The following RAPGEF6 variants were observed in gnomAD, a reference collection of about 807,000 sequenced individuals.
RAPGEF6 encodes the protein Rap guanine nucleotide exchange factor 6, also known as PDZ domain containing guanine nucleotide exchange factor (GEF) 2.
In RAPGEF6, 56 loss-of-function variants were observed where a neutral mutation model predicts 171.4. That is an observed-to-expected ratio of 0.33 (90% confidence interval 0.26 to 0.41). The LOEUF is 0.41. RAPGEF6 is among the 10% of genes least tolerant of loss of function. The probability of loss-of-function intolerance (pLI) is 1.00; values close to 1 mark genes in which losing one functional copy is unlikely to be tolerated. For missense variants in RAPGEF6, 1,674 were observed against 1,921.4 expected, an observed-to-expected ratio of 0.87 and a Z score of 2.41; for synonymous variants, 692 against 650.1, an observed-to-expected ratio of 1.06 and a Z score of -0.98.
intron 7 of RAPGEF6, among the ~76,000 whole-genome samples, chr5:131,513,465 C>T (rs1260977639): frequency 1.3e-5 from 2 of 151,984 alleles, no homozygotes; most frequent in African/African-American, 2.4e-5. Context: ...GGTCTCATTC[C>T]CATATTTTAG....
At chr5:131,576,544 AG>A (rs2149985924) in intron 4 of RAPGEF6, among the ~76,000 whole-genome samples, 1 of 152,278 alleles carries the variant, frequency 6.6e-6, no homozygotes, top group African/African-American at 2.4e-5. Flanking sequence ...TGCCCAAGGA[AG>A]CCGGAGTCAT....
In RAPGEF6 at chr5:131,461,726, T is replaced by C. The variant is rs368892428; in HGVS notation, c.2843A>G (p.Asn948Ser). The change falls in exon 19 of 28, where the codon AAT (asparagine) becomes AGT (serine). Residue 948 changes from asparagine to serine, a missense_variant. Physicochemically the swap from Asn to Ser is conservative, Grantham distance 46 (BLOSUM62 1). This residue lies in a region of RAPGEF6 where 1,116 missense variants were observed against 1,321.5 expected (regional missense o/e 0.84). Transcript: ENST00000509018. ...TTACCTTATTATTGCAAACATGGAA[T>C]TGAAGTTCTTACATTCTCGACAATG... The part of the protein sequence containing the change: ...ALHCRECKNF[N>S]SMFAIISGLN... The C allele has an allele frequency of 3.2e-5, 52 of 1,600,210 alleles. No individual in the cohort carries two copies. Among genetic ancestry groups the C allele is most frequent in the Non-Finnish European group, 4.3e-5 (50 of 1,169,380 alleles).
intron 7 of RAPGEF6, among the ~76,000 whole-genome samples, chr5:131,513,148 G>T (rs1757851589): frequency 6.6e-6 from 1 of 152,112 alleles, no homozygotes; most frequent in African/African-American, 2.4e-5. Flanking sequence ...AAACTTGTTT[G>T]CAGGTTATAA....
At chr5:131,564,969 T>C (rs1370287273) in intron 4 of RAPGEF6, among the ~76,000 whole-genome samples, 5 of 152,148 alleles carry the variant, frequency 3.3e-5, no homozygotes, top group Non-Finnish European at 5.9e-5. Flanking sequence ...CTATTAGTTT[T>C]AGCATTTTTT....
rs1274232356 is a variant in RAPGEF6, at chr5:131,457,937, T to C, written c.2865-1925A>G. ...TGTTTAACTCAAAACTCCCAAAATA[T>C]TAACTGAAAATTATTAGAAGCATGA... On this transcript the variant is annotated intron_variant, in intron 19 of 27. Coordinates refer to ENST00000509018, the MANE Select transcript of RAPGEF6 (RefSeq NM_016340.6). Among the ~76,000 whole-genome samples, 7 of 152,144 alleles carry C rather than the reference T, an allele frequency of 4.6e-5. No homozygotes were observed. The East Asian group carries it at 1.3e-3, about 29-fold the overall frequency.
chr5:131,594,811 G>A (rs997645275), intron 3 of RAPGEF6, among the ~76,000 whole-genome samples: 1 of 152,210 alleles, frequency 6.6e-6, no homozygotes, highest in African/African-American at 2.4e-5. Context: ...CTGGGTTTCG[G>A]ACTAGCATGG....
At chr5:131,617,068 T>C (rs1051566757) in intron 1 of RAPGEF6, among the ~76,000 whole-genome samples, 2 of 152,218 alleles carry the variant, frequency 1.3e-5, no homozygotes, top group African/African-American at 2.4e-5. Flanking sequence ...AACTGTATCA[T>C]ACATACATTC....
In RAPGEF6 at chr5:131,479,872, T is replaced by C; in HGVS notation, c.1841-119A>G. 2.9e-6 allele frequency: 3 copies of C among 1,050,102 alleles called. No individual in the cohort carries two copies. The East Asian group carries it at 7.5e-5, about 26-fold the overall frequency. 65.0% of individuals were successfully genotyped at this position (1,050,102 alleles called of 1,614,324 possible). A position where few individuals can be genotyped will look rare whatever the true frequency, so the allele number is the denominator to read the frequency against. On this transcript the variant is annotated intron_variant, in intron 15 of 27. Coordinates refer to ENST00000509018, the MANE Select transcript of RAPGEF6 (RefSeq NM_016340.6). ...CATTATTTGAACTTTCTCAGTCTCA[T>C]TCAACTAAACACTGTCAAGTATTTA...
intron 9 of RAPGEF6, 132 bp from the exon 10 acceptor site, chr5:131,505,654 A>G: frequency 1.4e-6 from 1 of 725,786 alleles, no homozygotes; most frequent in Non-Finnish European, 2.2e-6. Flanking sequence ...ATTACCAAAC[A>G]CTCTGTAACA....
intron 5 of RAPGEF6, among the ~76,000 whole-genome samples, chr5:131,553,957 T>A (rs1192845556): frequency 6.6e-6 from 1 of 150,408 alleles, no homozygotes; most frequent in African/African-American, 2.4e-5. Context: ...CAAGACAATA[T>A]TTAAGGAAAA....
At position 131,504,732 on chromosome 5, in the gene RAPGEF6, A is replaced by G. The variant is rs200293480; in HGVS notation, c.1148T>C (p.Val383Ala). ...QQDYWRILNH[V>A]EKNTHKVEEE... is the part of the protein sequence containing the mutation. Reference sequence around the variant, plus strand: ...CTCAACTTTATGGGTATTTTTTTCCACATGGTTTAAAATTCTCCAATAATC... The same window carrying G: ...CTCAACTTTATGGGTATTTTTTTCCGCATGGTTTAAAATTCTCCAATAATC... The change falls in exon 11 of 28, where the codon GTG becomes GCG. Residue 383 changes from valine to alanine, a missense_variant. Physicochemically the swap from Val to Ala is moderately conservative, Grantham distance 64. Transcript: ENST00000509018. 1 of 1,613,858 alleles carries G rather than the reference A, an allele frequency of 6.2e-7. No homozygotes were observed. Among genetic ancestry groups the G allele is most frequent in the Admixed American group, 1.7e-5 (1 of 59,958 alleles).
chr5:131,494,548 T>C (rs1328474326), intron 13 of RAPGEF6, among the ~76,000 whole-genome samples: 1 of 151,994 alleles, frequency 6.6e-6, no homozygotes. Context: ...AACTGGAAAA[T>C]AAAATAGTCT....
Position 131,460,012 on chromosome 5 carries a change from A to G in RAPGEF6, c.2864+1693T>C, listed in dbSNP as rs1753804595. ...CACCTTTGCCATCTCTGCTGAAAAG[A>G]GTATATTCTTTGATCTACCTGAACA... On this transcript the variant is annotated intron_variant, in intron 19 of 27. Coordinates refer to ENST00000509018, the MANE Select transcript of RAPGEF6 (RefSeq NM_016340.6). 2.6e-5 allele frequency among the ~76,000 whole-genome samples: 4 copies of G among 152,232 alleles called. No homozygotes were observed. In the South Asian group the frequency reaches 8.3e-4, roughly 31 times the overall value.
At chr5:131,579,949 G>A (rs1222395374) in intron 4 of RAPGEF6, among the ~76,000 whole-genome samples, 7 of 152,232 alleles carry the variant, frequency 4.6e-5, no homozygotes, top group African/African-American at 9.6e-5. Context: ...GACCCCACCC[G>A]ACTCAGGAGC....
chr5:131,584,159 T>G (rs1019293980), intron 4 of RAPGEF6, among the ~76,000 whole-genome samples: 1 of 152,208 alleles, frequency 6.6e-6, no homozygotes, highest in South Asian at 2.1e-4. Flanking sequence ...CTTATCAAAC[T>G]GTATACTATA....
At chr5:131,593,102 T>G (rs1400424973) in intron 3 of RAPGEF6, among the ~76,000 whole-genome samples, 1 of 152,130 alleles carries the variant, frequency 6.6e-6, no homozygotes, top group African/African-American at 2.4e-5. Context: ...AAACAGAAAA[T>G]GCAAATGAAA....
intron 22 of RAPGEF6, among the ~76,000 whole-genome samples, chr5:131,444,750 A>C (rs1752581102): frequency 6.6e-6 from 1 of 152,214 alleles, no homozygotes; most frequent in African/African-American, 2.4e-5. Context: ...GGAAGCCATG[A>C]GGGTGTATAT....
intron 14 of RAPGEF6, among the ~76,000 whole-genome samples, chr5:131,492,363 C>T (rs1165670070): frequency 6.6e-6 from 1 of 152,068 alleles, no homozygotes; most frequent in Admixed American, 6.6e-5. Flanking sequence ...CTCAGTAGAC[C>T]ATGTTATTTC....
intron 6 of RAPGEF6, among the ~76,000 whole-genome samples, chr5:131,529,141 A>C (rs1226733741): frequency 1.3e-5 from 2 of 151,508 alleles, no homozygotes; most frequent in African/African-American, 4.9e-5. Flanking sequence ...ATTTCTCTCT[A>C]GAGAGACCAC....
Sources: allele counts gnomAD v4.1 joint callset (sites outside exome capture counted in the v4.1 genomes callset), GRCh38; gene constraint gnomAD v4.1.1; regional missense constraint gnomAD v4.1.1; transcripts MANE v1.5; gene names NCBI Gene and HGNC (gene_info 2026-07-23, HGNC 2026-07-21).